WDR7: variants seen among roughly 807,000 people sequenced by gnomAD.
The protein encoded by WDR7 is WD repeat domain 7.
WDR7 carries 46 observed loss-of-function variants against 169.4 expected under a neutral mutation model. That is an observed-to-expected ratio of 0.27 (90% CI 0.21 to 0.35). The LOEUF (loss-of-function observed/expected upper bound fraction) is 0.35, where lower values mean the gene tolerates loss of function less well. Among genes scored for constraint, WDR7 ranks in the 10% least tolerant of loss-of-function variants. The pLI is 1.00. For synonymous variants in WDR7, 612 were observed against 666.8 expected, an observed-to-expected ratio of 0.92 and a Z score of 1.27; for missense variants, 1,534 against 1,859.3, an observed-to-expected ratio of 0.83 and a Z score of 3.22.
Position 57,028,484 on chromosome 18 carries a change from G to A in WDR7, c.*1277G>A, listed in dbSNP as rs903671423. 3.3e-5 allele frequency: 5 copies of A among 152,096 alleles called. No individual in the cohort carries two copies. Among genetic ancestry groups the A allele is most frequent in the African/African-American group, 9.7e-5 (4 of 41,410 alleles). The allele number at this position is 152,096 out of a possible 1,614,324, so 9.4% of individuals were successfully genotyped here. A position where few individuals can be genotyped will look rare whatever the true frequency, so the allele number is the denominator to read the frequency against. On this transcript the variant is annotated 3_prime_UTR_variant, in exon 28 of 28. Transcript: ENST00000254442. Reference sequence around the variant, plus strand: ...CCTTGATCTGTATATACTTGTGAGGGGTTGTTTGGTTGCCTAATTGTTGAT... The same window carrying A: ...CCTTGATCTGTATATACTTGTGAGGAGTTGTTTGGTTGCCTAATTGTTGAT...
intron 1 of WDR7, among the ~76,000 whole-genome samples, chr18:56,665,453 C>A (rs1356750702): frequency 6.6e-6 from 1 of 150,806 alleles, no homozygotes; most frequent in African/African-American, 2.4e-5. Context: ...TCTACTCAGC[C>A]CAGTCTCCTC....
chr18:56,721,101 G>A (rs1217073529), intron 13 of WDR7, among the ~76,000 whole-genome samples: 1 of 152,054 alleles, frequency 6.6e-6, no homozygotes, highest in Non-Finnish European at 1.5e-5. Flanking sequence ...AGGGTTTGAT[G>A]TATGAAATGT....
chr18:56,829,226 G>T (rs141170482), intron 20 of WDR7, among the ~76,000 whole-genome samples: 1 of 151,078 alleles, frequency 6.6e-6, no homozygotes. Flanking sequence ...CCACTGCACT[G>T]CAGCCTGGGT....
chr18:56,861,952 G>A (rs781272297), intron 20 of WDR7, among the ~76,000 whole-genome samples: 8 of 151,906 alleles, frequency 5.3e-5, no homozygotes, highest in Non-Finnish European at 1.2e-4. Context: ...AGTGATTCTT[G>A]TACCTATAGA....
chr18:56,974,199 T>C (rs79886405), intron 26 of WDR7, among the ~76,000 whole-genome samples: 5,233 of 152,246 alleles, frequency 0.034, 305 homozygotes, highest in African/African-American at 0.12. Flanking sequence ...TGTGTACATA[T>C]GTTTTTTAAA....
chr18:56,685,030 TTA>T (rs973700762), intron 5 of WDR7, among the ~76,000 whole-genome samples: 1 of 152,226 alleles, frequency 6.6e-6, no homozygotes, highest in Non-Finnish European at 1.5e-5. Flanking sequence ...TATACTCCTT[TTA>T]TATATGTTTA....
In WDR7 at chr18:56,690,845, A is replaced by G. The variant is rs373990591; in HGVS notation, c.718-371A>G. 1.6e-3 allele frequency among the ~76,000 whole-genome samples: 243 copies of G among 152,250 alleles called. 1 individual carries two copies. Among genetic ancestry groups the G allele is most frequent in the African/African-American group, 5.6e-3 (233 of 41,532 alleles). ...AAAAAAAAAAATGCTGTTACTAGAC[A>G]TAGAAATAAAACAGGGCTCAAGCCT... On this transcript the variant is annotated intron_variant, in intron 7 of 27. Coordinates refer to ENST00000254442, the MANE Select transcript of WDR7 (RefSeq NM_015285.3).
intron 21 of WDR7, among the ~76,000 whole-genome samples, chr18:56,912,254 G>A (rs183323211): frequency 1.9e-4 from 29 of 152,304 alleles, no homozygotes; most frequent in African/African-American, 6.5e-4. Flanking sequence ...GCAATGGATA[G>A]AACATGGACT....
chr18:56,756,525 G>C (rs2043892025), intron 14 of WDR7, 58 bp from the exon 15 acceptor site: 1 of 1,324,914 alleles, frequency 7.5e-7, no homozygotes, highest in East Asian at 2.5e-5. Context: ...GTTTATTAAT[G>C]AATGTATGAA....
intron 20 of WDR7, among the ~76,000 whole-genome samples, chr18:56,851,103 A>G (rs751837064): frequency 1.3e-5 from 2 of 152,092 alleles, no homozygotes; most frequent in Non-Finnish European, 2.9e-5. Context: ...AATGATCTCT[A>G]TAAAATATAA....
At chr18:56,733,416 C>T (rs1220341242) in intron 14 of WDR7, among the ~76,000 whole-genome samples, 1 of 152,124 alleles carries the variant, frequency 6.6e-6, no homozygotes, top group Non-Finnish European at 1.5e-5. Context: ...AATAAACCCA[C>T]CCAAAGTAAA....
intron 13 of WDR7, among the ~76,000 whole-genome samples, chr18:56,723,651 C>T (rs1489858586): frequency 1.3e-5 from 2 of 151,958 alleles, no homozygotes; most frequent in East Asian, 3.8e-4. Context: ...TGGTTTTGAG[C>T]AATTTGATTG....
In WDR7 at chr18:57,028,808, T is replaced by C. The variant is rs1395458881; in HGVS notation, c.*1601T>C. 6.5e-6 allele frequency: 1 copy of C among 152,682 alleles called. No homozygotes were observed. 9.5% of individuals were successfully genotyped at this position (152,682 alleles called of 1,614,324 possible). ...ATTTCCATTGACGGCAAATCTATAC[T>C]GTTCCTTGGTTTTAGAGTTGGGTAT... On this transcript the variant is annotated 3_prime_UTR_variant, in exon 28 of 28. Coordinates refer to ENST00000254442, the MANE Select transcript of WDR7 (RefSeq NM_015285.3).
At chr18:56,835,001 C>T (rs2045373895) in intron 20 of WDR7, among the ~76,000 whole-genome samples, 1 of 152,184 alleles carries the variant, frequency 6.6e-6, no homozygotes, top group African/African-American at 2.4e-5. Flanking sequence ...CCCAGTAAGA[C>T]TTCTGCAGCA....
At chr18:56,954,110 T>C (rs1006834279) in intron 25 of WDR7, among the ~76,000 whole-genome samples, 2 of 152,198 alleles carry the variant, frequency 1.3e-5, no homozygotes, top group Non-Finnish European at 2.9e-5. Context: ...GGATATAATT[T>C]TCTCTAATTT....
At chr18:56,936,991 T>A (rs1463981429) in intron 23 of WDR7, among the ~76,000 whole-genome samples, 1 of 152,174 alleles carries the variant, frequency 6.6e-6, no homozygotes, top group African/African-American at 2.4e-5. Context: ...AAGGTTTTTT[T>A]TGCCAGTTTT....
At chr18:56,750,947 C>T (rs2043781404) in intron 14 of WDR7, among the ~76,000 whole-genome samples, 1 of 152,116 alleles carries the variant, frequency 6.6e-6, no homozygotes, top group African/African-American at 2.4e-5. Flanking sequence ...TTATGCAGGA[C>T]TTGGTGAAAA....
intron 13 of WDR7, among the ~76,000 whole-genome samples, chr18:56,718,859 T>C (rs1413046421): frequency 6.6e-6 from 1 of 152,254 alleles, no homozygotes; most frequent in Non-Finnish European, 1.5e-5. Context: ...ATATTTCTAC[T>C]AGATTTTTTC....
At chr18:56,653,099 GA>G (rs2024690026) in intron 1 of WDR7, among the ~76,000 whole-genome samples, 1 of 152,118 alleles carries the variant, frequency 6.6e-6, no homozygotes, top group Admixed American at 6.5e-5. Flanking sequence ...ATGTTTATTA[GA>G]TGTATGAGTC....
Sources: gnomAD v4.1 joint callset for allele counts (sites outside exome capture counted in the v4.1 genomes callset) on GRCh38, gnomAD v4.1.1 for gene constraint, MANE v1.5 for transcripts, NCBI Gene and HGNC (gene_info 2026-07-23, HGNC 2026-07-21) for gene names.